WWOX: variants seen among roughly 807,000 people sequenced by gnomAD.
WWOX encodes the protein WW domain containing oxidoreductase, also known as WW domain-containing oxidoreductase.
Under a neutral mutation model 46.2 loss-of-function variants are expected in WWOX, and 69 were observed. The observed-to-expected ratio is 1.49, with a 90% confidence interval of 1.23 to 1.82. WWOX has a LOEUF of 1.82. Ranked by LOEUF, WWOX falls within the 40% of genes most tolerant of loss-of-function variation. The probability of loss-of-function intolerance (pLI) is 0.00; values close to 1 mark genes in which losing one functional copy is unlikely to be tolerated. For missense variants in WWOX, 919 were observed against 542.6 expected (o/e 1.69, Z -6.89); for synonymous variants, 359 against 202.6 (o/e 1.77, Z -6.56).
At chr16:78,207,635 C>A (rs74670914) in intron 5 of WWOX, among the ~76,000 whole-genome samples, 1 of 150,842 alleles carries the variant, frequency 6.6e-6, no homozygotes, top group South Asian at 2.1e-4. Flanking sequence ...TTTGAAGATA[C>A]AATAGATGTA....
chr16:78,619,314 A>T (rs1398717883), intron 8 of WWOX, among the ~76,000 whole-genome samples: 3 of 130,442 alleles, frequency 2.3e-5, no homozygotes, highest in African/African-American at 8.8e-5. Flanking sequence ...CAGTAAGCTG[A>T]GATCGCCACT....
Position 78,956,333 on chromosome 16 carries a change from T to C in WWOX, c.1057-255275T>C, listed in dbSNP as rs375210261. ...GCTCATTTTTTTTTAATATATATTT[T>C]TAGTGAAGGCGGAGTTTCACCATGT... On this transcript the variant is annotated intron_variant, in intron 8 of 8. Transcript: ENST00000566780. Among the ~76,000 whole-genome samples, 214 of 152,226 alleles carry C rather than the reference T, an allele frequency of 1.4e-3. 5 individuals are homozygous for C. The highest frequency in any genetic ancestry group is 4.8e-3 in the African/African-American group (200 of 41,556).
At chr16:79,168,468 A>G (rs2050637285) in intron 8 of WWOX, among the ~76,000 whole-genome samples, 1 of 152,164 alleles carries the variant, frequency 6.6e-6, no homozygotes, top group Non-Finnish European at 1.5e-5. Flanking sequence ...GACTTACTCA[A>G]GTTGTGCATG....
intron 8 of WWOX, among the ~76,000 whole-genome samples, chr16:78,546,052 A>G (rs2044023740): frequency 6.6e-6 from 1 of 152,184 alleles, no homozygotes; most frequent in South Asian, 2.1e-4. Flanking sequence ...TGCTGGGCAC[A>G]AGGAATGTTA....
intron 8 of WWOX, among the ~76,000 whole-genome samples, chr16:78,750,676 A>G (rs8061646): frequency 0.21 from 31,382 of 151,846 alleles, 4,652 homozygotes; most frequent in African/African-American, 0.42. Context: ...CCCAGAGTCT[A>G]TTGTTCCTGT....
chr16:78,808,693 T>C (rs936785764), intron 8 of WWOX, among the ~76,000 whole-genome samples: 2 of 152,192 alleles, frequency 1.3e-5, no homozygotes, highest in Admixed American at 1.3e-4. Context: ...TTTCATGTAG[T>C]CCTCACACTA....
chr16:78,753,945 G>A (rs1005124731), intron 8 of WWOX, among the ~76,000 whole-genome samples: 1 of 146,700 alleles, frequency 6.8e-6, no homozygotes, highest in African/African-American at 2.5e-5. Context: ...CAGAAACAGG[G>A]GAATTCTGTC....
chr16:79,160,145 C>G (rs529624010), intron 8 of WWOX, among the ~76,000 whole-genome samples: 2 of 152,188 alleles, frequency 1.3e-5, no homozygotes, highest in African/African-American at 4.8e-5. Context: ...GTGGGTGCCA[C>G]GTGAGGCCGA....
intron 8 of WWOX, among the ~76,000 whole-genome samples, chr16:78,767,784 T>C (rs1184844954): frequency 6.6e-6 from 1 of 152,102 alleles, no homozygotes; most frequent in Admixed American, 6.5e-5. Flanking sequence ...CTCCCTGCAG[T>C]GTTGATTCCC....
At chr16:78,409,927 T>G (rs778042937) in intron 6 of WWOX, among the ~76,000 whole-genome samples, 18 of 152,172 alleles carry the variant, frequency 1.2e-4, no homozygotes, top group Non-Finnish European at 2.1e-4. Flanking sequence ...TAGCATGAGC[T>G]CCCTGTCTCA....
intron 8 of WWOX, among the ~76,000 whole-genome samples, chr16:78,989,864 G>C (rs910219509): frequency 2.7e-5 from 4 of 148,936 alleles, no homozygotes; most frequent in Non-Finnish European, 5.9e-5. Context: ...GTGATTGAGA[G>C]AGAGAGAGAC....
At chr16:79,148,963 C>G (rs953118417) in intron 8 of WWOX, among the ~76,000 whole-genome samples, 12 of 152,012 alleles carry the variant, frequency 7.9e-5, no homozygotes, top group Middle Eastern at 3.2e-3. Context: ...GATTTTCTAT[C>G]TAGCCTGTCA....
Position 78,347,020 on chromosome 16 carries a change from C to T in WWOX, c.517-39840C>T, listed in dbSNP as rs780038051. ...GATTACAGGTGTGAGCCACAGCGCC[C>T]GGTGGTCATATCTCTTTCTTGCGTT... On this transcript the variant is annotated intron_variant, in intron 5 of 8. Transcript: ENST00000566780. Among the ~76,000 whole-genome samples, 13 of 119,254 alleles carry T rather than the reference C, an allele frequency of 1.1e-4. 4 individuals carry two copies. The highest frequency in any genetic ancestry group is 2.5e-4 in the South Asian group (1 of 3,932). The allele number at this position is 119,254 out of a possible 152,430, so 78.2% of individuals were successfully genotyped here.
chr16:78,960,499 A>T, intron 8 of WWOX, among the ~76,000 whole-genome samples: 1 of 152,252 alleles, frequency 6.6e-6, no homozygotes, highest in East Asian at 1.9e-4. Flanking sequence ...ACTGGAGATT[A>T]CAACTGCCTC....
chr16:78,996,379 C>CA (rs1454529139), intron 8 of WWOX: 12 of 731,142 alleles, frequency 1.6e-5, no homozygotes, highest in Admixed American at 1.2e-4. Context: ...TGCACCCACC[C>CA]CCGCCCCCCA....
intron 5 of WWOX, among the ~76,000 whole-genome samples, chr16:78,219,031 G>A (rs563620184): frequency 3.9e-5 from 6 of 152,194 alleles, no homozygotes; most frequent in African/African-American, 1.4e-4. Flanking sequence ...CAGGACTAAA[G>A]TCATGTGCAA....
intron 8 of WWOX, among the ~76,000 whole-genome samples, chr16:78,802,207 T>C (rs1299860099): frequency 6.8e-6 from 1 of 147,688 alleles, no homozygotes; most frequent in Admixed American, 6.7e-5. Flanking sequence ...TTTAGGTTTT[T>C]TTTTTTTTTT....
chr16:78,766,106 G>A (rs1047442340), intron 8 of WWOX, among the ~76,000 whole-genome samples: 1 of 152,220 alleles, frequency 6.6e-6, no homozygotes, highest in Admixed American at 6.5e-5. Context: ...GGTCAGAGGT[G>A]TGGTCACACA....
intron 8 of WWOX, among the ~76,000 whole-genome samples, chr16:78,612,557 C>G (rs116743296): frequency 0.016 from 2,478 of 152,276 alleles, 61 homozygotes; most frequent in African/African-American, 0.056. Context: ...TTCATTGCAG[C>G]CTGGAACTCA....
Sources: allele counts gnomAD v4.1 joint callset (sites outside exome capture counted in the v4.1 genomes callset), GRCh38; gene constraint gnomAD v4.1.1; transcripts MANE v1.5; gene names NCBI Gene and HGNC (gene_info 2026-07-23, HGNC 2026-07-21).